PTPRG: variants seen among roughly 807,000 people sequenced by gnomAD.
PTPRG encodes protein tyrosine phosphatase receptor type G, also known as receptor-type tyrosine-protein phosphatase gamma.
PTPRG carries 102 observed loss-of-function variants against 165.3 expected under a neutral mutation model. That is an observed-to-expected ratio of 0.62 (90% CI 0.53 to 0.73). PTPRG has a LOEUF of 0.73. Among genes scored for constraint, PTPRG ranks in the 30% least tolerant of loss-of-function variants. The pLI, the probability that PTPRG is intolerant of heterozygous loss-of-function variation, is 0.00. For synonymous variants in PTPRG, 675 were observed against 669.5 expected, an observed-to-expected ratio of 1.01 and a Z score of -0.13; for missense variants, 1,866 against 1,861.4, an observed-to-expected ratio of 1.00 and a Z score of -0.05.
intron 1 of PTPRG, chr3:61,739,206 A>G (rs1305329091): frequency 6.6e-6 from 1 of 151,884 alleles, no homozygotes; most frequent in Admixed American, 6.6e-5. Flanking sequence ...TTTGATACAT[A>G]TTTCTGCTTG....
chr3:61,647,925 T>C (rs1260034688), intron 1 of PTPRG, among the ~76,000 whole-genome samples: 1 of 152,214 alleles, frequency 6.6e-6, no homozygotes, highest in Non-Finnish European at 1.5e-5. Flanking sequence ...CTGATTGTGA[T>C]TGCGGCCTGT....
intron 1 of PTPRG, among the ~76,000 whole-genome samples, chr3:61,644,126 T>G (rs1240330921): frequency 6.6e-6 from 1 of 152,228 alleles, no homozygotes; most frequent in African/African-American, 2.4e-5. Context: ...TTATGTGCCC[T>G]GGAGTTCTTG....
intron 8 of PTPRG, among the ~76,000 whole-genome samples, chr3:62,179,572 C>T (rs1055426248): frequency 6.6e-6 from 1 of 152,224 alleles, no homozygotes; most frequent in Non-Finnish European, 1.5e-5. Flanking sequence ...GGTTTTCACC[C>T]ACCAGCTGCT....
In PTPRG at chr3:62,231,234, C is replaced by A; in HGVS notation, c.2298C>A (p.Asn766Lys). 6.4e-7 allele frequency: 1 copy of A among 1,573,292 alleles called. No homozygotes were observed. Among genetic ancestry groups the A allele is most frequent in the Non-Finnish European group, 8.6e-7 (1 of 1,159,878 alleles). ...IAVLVYWRGC[N>K]KIKSKGFPRR... ...TTTTTTGTCCATTTAGAGGGTGTAA[C>A]AAAATAAAGTCCAAGGGCTTTCCCA... The change falls in exon 14 of 30, where the codon AAC becomes AAA. Residue 766 changes from asparagine to lysine, a missense_variant. Asn to Lys is a moderately conservative substitution (Grantham distance 94). Around this residue, in one of 3 missense-constraint regions of PTPRG, gnomAD observed 1,452 missense variants for 1,463.0 expected, o/e 0.99. Transcript: ENST00000474889.
chr3:62,061,524 TTATC>T, intron 4 of PTPRG, among the ~76,000 whole-genome samples: 1 of 152,204 alleles, frequency 6.6e-6, no homozygotes, highest in Admixed American at 6.5e-5. Context: ...CTGCTGAGAT[TTATC>T]TATCAGAGTC....
intron 1 of PTPRG, among the ~76,000 whole-genome samples, chr3:61,667,221 C>G (rs986040120): frequency 1.1e-4 from 16 of 152,144 alleles, no homozygotes; most frequent in African/African-American, 3.6e-4. Flanking sequence ...AATGCCTCCT[C>G]AACAATTTAA....
intron 1 of PTPRG, among the ~76,000 whole-genome samples, chr3:61,738,075 ATT>A (rs962532756): frequency 6.7e-6 from 1 of 148,742 alleles, no homozygotes; most frequent in African/African-American, 2.5e-5. Flanking sequence ...CACCCGGCTA[ATT>A]TTTTTTGTAT....
At chr3:61,590,439 G>T (rs922102915) in intron 1 of PTPRG, among the ~76,000 whole-genome samples, 1 of 152,078 alleles carries the variant, frequency 6.6e-6, no homozygotes, top group Non-Finnish European at 1.5e-5. Flanking sequence ...CAGGAGAATC[G>T]CTTGAACCTG....
chr3:61,564,853 G>C (rs537028550), intron 1 of PTPRG, among the ~76,000 whole-genome samples: 110 of 152,308 alleles, frequency 7.2e-4, no homozygotes, highest in African/African-American at 2.6e-3. Context: ...GCCTTGGCGC[G>C]AGGCGGCGGC....
intron 2 of PTPRG, among the ~76,000 whole-genome samples, chr3:61,931,752 C>T (rs2039367516): frequency 6.6e-6 from 1 of 152,136 alleles, no homozygotes. Context: ...AAAACAAAAA[C>T]AAAAACACCA....
intron 8 of PTPRG, among the ~76,000 whole-genome samples, chr3:62,172,733 G>A (rs566472163): frequency 7.2e-5 from 11 of 152,026 alleles, no homozygotes; most frequent in East Asian, 3.9e-4. Context: ...ACTCTTCTGC[G>A]AAAAAAAGTT....
chr3:61,721,904 GCT>G (rs1414751346), intron 1 of PTPRG, among the ~76,000 whole-genome samples: 3 of 152,164 alleles, frequency 2.0e-5, no homozygotes, highest in Non-Finnish European at 2.9e-5. Context: ...CTGACTTTCT[GCT>G]CTGTCATCTG....
At chr3:61,681,034 A>G (rs1703422011) in intron 1 of PTPRG, among the ~76,000 whole-genome samples, 1 of 142,230 alleles carries the variant, frequency 7.0e-6, no homozygotes, top group Non-Finnish European at 1.5e-5. Flanking sequence ...AGATTGAGTT[A>G]ATCTTATATC....
chr3:62,122,454 G>A (rs2106895051), intron 5 of PTPRG, among the ~76,000 whole-genome samples: 1 of 152,220 alleles, frequency 6.6e-6, no homozygotes, highest in East Asian at 1.9e-4. Flanking sequence ...CTCCAAGAAA[G>A]CACAGAGTAA....
chr3:61,860,557 C>T (rs1173916230), intron 2 of PTPRG, among the ~76,000 whole-genome samples: 1 of 149,170 alleles, frequency 6.7e-6, no homozygotes, highest in Non-Finnish European at 1.5e-5. Context: ...TATACTGCCT[C>T]AGCCTCTGGA....
chr3:62,133,306 G>T (rs35853900), intron 6 of PTPRG, among the ~76,000 whole-genome samples: 2 of 152,188 alleles, frequency 1.3e-5, no homozygotes, highest in Admixed American at 6.5e-5. Context: ...TACCCTTGTC[G>T]CAGTGAGGTG....
intron 1 of PTPRG, among the ~76,000 whole-genome samples, chr3:61,563,263 G>A (rs1699813769): frequency 6.6e-6 from 1 of 152,154 alleles, no homozygotes; most frequent in East Asian, 1.9e-4. Context: ...GCTGTTCGCG[G>A]CTGGCAGACC....
intron 2 of PTPRG, among the ~76,000 whole-genome samples, chr3:61,898,341 C>G (rs770896154): frequency 6.6e-5 from 10 of 152,158 alleles, no homozygotes; most frequent in Non-Finnish European, 1.0e-4. Context: ...AGGTGTGAGC[C>G]ACCATGCCTG....
At chr3:61,844,958 C>T (rs889086445) in intron 2 of PTPRG, among the ~76,000 whole-genome samples, 3 of 152,200 alleles carry the variant, frequency 2.0e-5, no homozygotes, top group African/African-American at 7.2e-5. Flanking sequence ...TAAACTAGGG[C>T]AAGGCTATAT....
Sources: gnomAD v4.1 joint callset for allele counts (sites outside exome capture counted in the v4.1 genomes callset) on GRCh38, gnomAD v4.1.1 for gene constraint, gnomAD v4.1.1 regional missense constraint, MANE v1.5 for transcripts, NCBI Gene and HGNC (gene_info 2026-07-23, HGNC 2026-07-21) for gene names.